NEIL3: variants seen among roughly 807,000 people sequenced by gnomAD.
NEIL3 encodes the protein nei like DNA glycosylase 3.
A neutral mutation model predicts 57.5 loss-of-function variants in NEIL3; 48 were observed. The ratio of observed to expected loss-of-function variants is 0.83; its 90% CI spans 0.66 to 1.06. NEIL3 has a LOEUF of 1.06. Among genes scored for constraint, NEIL3 ranks in the 50% least tolerant of loss-of-function variants. NEIL3 has a pLI of 0.00. For missense variants in NEIL3, 717 were observed against 739.1 expected (o/e 0.97, Z 0.35); for synonymous variants, 261 against 253.2 (o/e 1.03, Z -0.29).
intron 1 of NEIL3, among the ~76,000 whole-genome samples, chr4:177,319,153 G>T (rs34257970): frequency 6.6e-6 from 1 of 152,178 alleles, no homozygotes; most frequent in Admixed American, 6.5e-5. Flanking sequence ...TTTGGGACTC[G>T]TGTACTGTCT....
chr4:177,334,218 G>A (rs1053853373), intron 2 of NEIL3, among the ~76,000 whole-genome samples: 2 of 151,326 alleles, frequency 1.3e-5, no homozygotes, highest in African/African-American at 4.9e-5. Context: ...TCATGATACT[G>A]ATACATTTTT....
chr4:177,311,099 A>C (rs1734467541), intron 1 of NEIL3, among the ~76,000 whole-genome samples: 1 of 152,044 alleles, frequency 6.6e-6, no homozygotes, highest in African/African-American at 2.4e-5. Flanking sequence ...TGTTTCTAAA[A>C]TCGTTTCAGG....
intron 3 of NEIL3, 40 bp from the exon 4 acceptor site, chr4:177,336,068 C>G: frequency 2.0e-6 from 3 of 1,488,962 alleles, no homozygotes; most frequent in Non-Finnish European, 2.8e-6. Context: ...GAAATTATAA[C>G]CAGACTTATG....
At chr4:177,318,485 T>A (rs1449744418) in intron 1 of NEIL3, among the ~76,000 whole-genome samples, 1 of 152,212 alleles carries the variant, frequency 6.6e-6, no homozygotes, top group Non-Finnish European at 1.5e-5. Flanking sequence ...GGGGCAGTTG[T>A]CTTCATGGAG....
At chr4:177,351,240 AC>A in intron 6 of NEIL3, 139 bp from the exon 7 acceptor site, 2 of 260,756 alleles carry the variant, frequency 7.7e-6, no homozygotes, top group Non-Finnish European at 1.4e-5. Context: ...AAAAAAAAAG[AC>A]TCTAAGATAC....
In NEIL3 at chr4:177,362,701, ATTTAG is replaced by A. The variant is rs1735632940; in HGVS notation, c.*231_*235del. ...TTTCATCGGATATACAGCATATTCC[ATTTAG>A]GATGTGTATTTAATGCATTTAGTAA... On this transcript the variant is annotated 3_prime_UTR_variant, in exon 10 of 10. Transcript: ENST00000264596. 2.8e-6 allele frequency: 1 copy of A among 352,534 alleles called. No homozygotes were observed. Among genetic ancestry groups the A allele is most frequent in the South Asian group, 6.9e-5 (1 of 14,502 alleles). The allele number at this position is 352,534 out of a possible 1,614,324, so 21.8% of individuals were successfully genotyped here. A position where few individuals can be genotyped will look rare whatever the true frequency, so the allele number is the denominator to read the frequency against.
intron 8 of NEIL3, among the ~76,000 whole-genome samples, chr4:177,358,868 A>G (rs1465144549): frequency 1.3e-5 from 2 of 152,050 alleles, no homozygotes; most frequent in African/African-American, 4.8e-5. Context: ...AATATATAAA[A>G]CTGTTTTTGT....
At chr4:177,335,969 G>A (rs1337775351) in intron 3 of NEIL3, 139 bp from the exon 4 acceptor site, 1 of 1,030,526 alleles carries the variant, frequency 9.7e-7, no homozygotes, top group African/African-American at 1.6e-5. Context: ...AATATAATTT[G>A]TAAGGTCTTT....
At chr4:177,320,192 A>G (rs1310000012) in intron 1 of NEIL3, among the ~76,000 whole-genome samples, 1 of 152,152 alleles carries the variant, frequency 6.6e-6, no homozygotes. Context: ...AAGTGACTTA[A>G]AGTCTCCTGT....
downstream of NEIL3, chr4:177,362,973 A>T (rs1415029256): frequency 6.6e-6 from 1 of 152,244 alleles, no homozygotes; most frequent in African/African-American, 2.4e-5. Context: ...TTCAACCAAC[A>T]TTAAGTTCCT....
At position 177,320,686 on chromosome 4, in the gene NEIL3, C is replaced by T. The variant is rs193133867; in HGVS notation, c.157-1773C>T. Among the ~76,000 whole-genome samples the T allele has an allele frequency of 3.1e-3, 463 of 151,250 alleles. 1 individual carries two copies. Among genetic ancestry groups the T allele is most frequent in the Admixed American group, 5.2e-3 (79 of 15,166 alleles). On this transcript the variant is annotated intron_variant, in intron 1 of 9. Transcript: ENST00000264596. ...AGTAGAGACAGGGTTTCACGGTGGT[C>T]TCGATCTCCTGACCTCGTGATCCGC...
intron 6 of NEIL3, among the ~76,000 whole-genome samples, chr4:177,350,686 T>A (rs927433739): frequency 6.6e-6 from 1 of 152,216 alleles, no homozygotes; most frequent in Non-Finnish European, 1.5e-5. Flanking sequence ...CTCTAATTTC[T>A]GCATAGGTGT....
intron 3 of NEIL3, 140 bp from the exon 4 acceptor site, chr4:177,335,968 T>C (rs979374377): frequency 9.7e-7 from 1 of 1,029,200 alleles, no homozygotes; most frequent in African/African-American, 1.6e-5. Context: ...TAATATAATT[T>C]GTAAGGTCTT....
At chr4:177,362,222 C>T (rs1172301663) in intron 9 of NEIL3, 67 bp from the exon 10 acceptor site, 1 of 1,281,462 alleles carries the variant, frequency 7.8e-7, no homozygotes, top group African/African-American at 1.5e-5. Context: ...TCACATGTGC[C>T]TAGGGTTAGC....
At chr4:177,366,259 T>C (rs541941431), downstream of NEIL3, among the ~76,000 whole-genome samples, 1 of 152,304 alleles carries the variant, frequency 6.6e-6, no homozygotes, top group Admixed American at 6.5e-5. Context: ...TCATCAAGGA[T>C]GGAGAGATTG....
intron 2 of NEIL3, among the ~76,000 whole-genome samples, chr4:177,325,542 C>A (rs966355310): frequency 3.9e-5 from 6 of 152,076 alleles, no homozygotes; most frequent in African/African-American, 7.2e-5. Flanking sequence ...TGTGGACATA[C>A]ATTTTCATTT....
At chr4:177,365,443 T>C (rs1450122679), downstream of NEIL3, among the ~76,000 whole-genome samples, 2 of 152,152 alleles carry the variant, frequency 1.3e-5, no homozygotes, top group African/African-American at 4.8e-5. Flanking sequence ...ACAATAATCA[T>C]ACAAATGCAC....
chr4:177,310,382 C>G (rs10015593), intron 1 of NEIL3, among the ~76,000 whole-genome samples: 84,514 of 152,108 alleles, frequency 0.56, 24,008 homozygotes, highest in African/African-American at 0.67. Flanking sequence ...AGTCACCTTA[C>G]TTAACTTCTT....
At chr4:177,359,544 C>A in intron 8 of NEIL3, among the ~76,000 whole-genome samples, 1 of 150,832 alleles carries the variant, frequency 6.6e-6, no homozygotes, top group African/African-American at 2.4e-5. Flanking sequence ...TTTTTTTTAA[C>A]AATTATTTAA....
Sources: gnomAD v4.1 joint callset for allele counts (sites outside exome capture counted in the v4.1 genomes callset) on GRCh38, gnomAD v4.1.1 for gene constraint, MANE v1.5 for transcripts, NCBI Gene and HGNC (gene_info 2026-07-23, HGNC 2026-07-21) for gene names.